XKR6: variants seen among roughly 807,000 people sequenced by gnomAD.
XKR6 encodes the protein XK related 6, also known as XK-related protein 6.
Under a neutral mutation model 56.7 loss-of-function variants are expected in XKR6, and 22 were observed. The observed-to-expected ratio is 0.39, with a 90% CI of 0.28 to 0.55. XKR6 has a LOEUF of 0.55. Among genes scored for constraint, XKR6 ranks in the 20% least tolerant of loss-of-function variants. XKR6 has a pLI of 0.66. For synonymous variants in XKR6, 524 were observed against 387.8 expected (o/e 1.35, Z -4.13); for missense variants, 852 against 889.0 (o/e 0.96, Z 0.53).
chr8:11,038,134 T>C (rs1363761444), intron 1 of XKR6, among the ~76,000 whole-genome samples: 1 of 152,120 alleles, frequency 6.6e-6, no homozygotes, highest in African/African-American at 2.4e-5. Flanking sequence ...AAGGGGCCGG[T>C]TTTTCTCATT....
At chr8:10,939,038 A>G (rs1315653243) in intron 1 of XKR6, among the ~76,000 whole-genome samples, 4 of 152,192 alleles carry the variant, frequency 2.6e-5, no homozygotes, top group Non-Finnish European at 4.4e-5. Context: ...ACTATCTGCA[A>G]GGACCTTTTC....
intron 1 of XKR6, among the ~76,000 whole-genome samples, chr8:10,987,038 C>T (rs1461476387): frequency 6.6e-6 from 1 of 152,118 alleles, no homozygotes; most frequent in Non-Finnish European, 1.5e-5. Context: ...GATCCTCCCA[C>T]TTCAGCCTCC....
chr8:10,956,900 C>T (rs184503153), intron 1 of XKR6, among the ~76,000 whole-genome samples: 3 of 152,272 alleles, frequency 2.0e-5, no homozygotes, highest in Admixed American at 1.3e-4. Flanking sequence ...AAAATGTGTA[C>T]CCTGGCACCT....
intron 1 of XKR6, among the ~76,000 whole-genome samples, chr8:10,979,165 C>T (rs761490170): frequency 2.0e-5 from 3 of 151,880 alleles, no homozygotes; most frequent in African/African-American, 4.8e-5. Context: ...GGGGATCTCA[C>T]GGCACATCCT....
chr8:11,092,640 G>T (rs371449383), intron 1 of XKR6, among the ~76,000 whole-genome samples: 1 of 152,202 alleles, frequency 6.6e-6, no homozygotes, highest in African/African-American at 2.4e-5. Flanking sequence ...CAAGAGCCGG[G>T]AGACTGCAAG....
chr8:11,024,212 T>G (rs1224895700), intron 1 of XKR6, among the ~76,000 whole-genome samples: 98 of 68,340 alleles, frequency 1.4e-3, no homozygotes, highest in African/African-American at 7.6e-3. Context: ...GAGGTGTGTG[T>G]GTGTGTGTGT....
intron 1 of XKR6, among the ~76,000 whole-genome samples, chr8:11,182,212 C>A (rs1421063235): frequency 6.6e-6 from 1 of 152,214 alleles, no homozygotes; most frequent in African/African-American, 2.4e-5. Context: ...GGCTGTTGAC[C>A]TTGCTATAAG....
intron 1 of XKR6, among the ~76,000 whole-genome samples, chr8:11,050,148 T>C (rs747239390): frequency 9.2e-5 from 14 of 152,336 alleles, no homozygotes; most frequent in Non-Finnish European, 1.9e-4. Context: ...GCCGGTGCTG[T>C]TGTGGCTAGC....
intron 1 of XKR6, among the ~76,000 whole-genome samples, chr8:11,085,875 G>A (rs1167442671): frequency 6.6e-6 from 1 of 152,186 alleles, no homozygotes; most frequent in Non-Finnish European, 1.5e-5. Flanking sequence ...CAGGGAGTCT[G>A]AGAATGCTGA....
At chr8:11,020,321 T>C (rs1363581394) in intron 1 of XKR6, among the ~76,000 whole-genome samples, 1 of 152,210 alleles carries the variant, frequency 6.6e-6, no homozygotes, top group Non-Finnish European at 1.5e-5. Context: ...CTCCTGTCAC[T>C]CAGCCATCCC....
chr8:11,122,714 T>A (rs1042346667), intron 1 of XKR6, among the ~76,000 whole-genome samples: 4 of 152,246 alleles, frequency 2.6e-5, no homozygotes, highest in African/African-American at 9.6e-5. Flanking sequence ...ATGGTCTGTT[T>A]ACCATTGGTA....
chr8:10,933,475 G>A (rs968567256), intron 1 of XKR6, among the ~76,000 whole-genome samples: 5 of 128,828 alleles, frequency 3.9e-5, no homozygotes, highest in South Asian at 2.4e-4. Flanking sequence ...CCTTGCCCAC[G>A]CCTATGTCCT....
chr8:11,061,352 G>A lies in XKR6; in HGVS notation c.765-136522C>T, dbSNP rs149778281. Among the ~76,000 whole-genome samples the A allele has an allele frequency of 3.3e-5, 5 of 152,254 alleles. No homozygotes were observed. In the East Asian group the frequency reaches 9.6e-4, roughly 29 times the overall value. On this transcript the variant is annotated intron_variant, in intron 1 of 2. Coordinates refer to ENST00000416569, the MANE Select transcript of XKR6 (RefSeq NM_173683.4). ...GTGATGGTGTGCACCTGTAGTCCCA[G>A]CTACTGTGGAGGCTGAGGTGGGAGG...
chr8:10,991,341 C>T (rs528683307), intron 1 of XKR6, among the ~76,000 whole-genome samples: 1 of 152,150 alleles, frequency 6.6e-6, no homozygotes, highest in Non-Finnish European at 1.5e-5. Flanking sequence ...CAGTTCTCAG[C>T]GTTCAAAGCT....
intron 2 of XKR6, among the ~76,000 whole-genome samples, chr8:10,912,197 G>C (rs1800401051): frequency 6.8e-6 from 1 of 147,102 alleles, no homozygotes; most frequent in South Asian, 2.2e-4. Context: ...TATAGAGTGG[G>C]ATGGTGTGTG....
chr8:11,108,104 G>C (rs966312358), intron 1 of XKR6: 2 of 334,286 alleles, frequency 6.0e-6, no homozygotes, highest in Admixed American at 9.1e-5. Flanking sequence ...CGAAAACAGA[G>C]ATTGGAAACA....
chr8:10,982,182 G>T (rs1302000991), intron 1 of XKR6, among the ~76,000 whole-genome samples: 1 of 152,212 alleles, frequency 6.6e-6, no homozygotes, highest in African/African-American at 2.4e-5. Flanking sequence ...CAAATGGTAG[G>T]TGGCATAATA....
intron 1 of XKR6, among the ~76,000 whole-genome samples, chr8:11,038,617 C>T (rs2129154912): frequency 6.6e-6 from 1 of 151,956 alleles, no homozygotes; most frequent in East Asian, 1.9e-4. Context: ...TCACTGCAGC[C>T]TCAAACTACC....
At chr8:11,137,913 A>G (rs1800489535) in intron 1 of XKR6, 1 of 355,648 alleles carries the variant, frequency 2.8e-6, no homozygotes, top group Admixed American at 3.9e-5. Flanking sequence ...CCAAAATCCT[A>G]TTTCGTGACA....
Sources: allele counts gnomAD v4.1 joint callset (sites outside exome capture counted in the v4.1 genomes callset), GRCh38; gene constraint gnomAD v4.1.1; transcripts MANE v1.5; gene names NCBI Gene and HGNC (gene_info 2026-07-23, HGNC 2026-07-21).